Variants in RBM5 observed in about 807,000 individuals in gnomAD.
RBM5 encodes RNA-binding protein 5.
RBM5 carries 15 observed loss-of-function variants against 124.6 expected under a neutral mutation model. The ratio of observed to expected loss-of-function variants is 0.12; its 90% confidence interval spans 0.08 to 0.19. The LOEUF (loss-of-function observed/expected upper bound fraction) is 0.19. Ranked by LOEUF, RBM5 falls within the 10% of genes least tolerant of loss-of-function variation. RBM5 has a pLI of 1.00. For synonymous variants in RBM5, 337 were observed against 361.2 expected (o/e 0.93, Z 0.76); for missense variants, 580 against 1,026.5 (o/e 0.57, Z 5.94).
At chr3:50,089,532 G>T (rs1472953586) in intron 1 of RBM5, among the ~76,000 whole-genome samples, 2 of 152,272 alleles carry the variant, frequency 1.3e-5, no homozygotes, top group Non-Finnish European at 2.9e-5. Flanking sequence ...TCTCGGCCGC[G>T]AGACCCCACG....
chr3:50,100,115 G>A lies in RBM5; in HGVS notation c.409+64G>A. Reference sequence around the variant, plus strand: ...CCCCATTCCCACCTCAGTCCCTAAAGAACATCCTGATTCCCCCAGTCTTCA... The same window carrying A: ...CCCCATTCCCACCTCAGTCCCTAAAAAACATCCTGATTCCCCCAGTCTTCA... On this transcript the variant is annotated intron_variant, in intron 5 of 24. Transcript: ENST00000347869. This position sits in a 1 kb window ranked among gnomAD's most constrained non-coding sequence, Gnocchi z 5.1. 7.0e-7 allele frequency: 1 copy of A among 1,420,034 alleles called. No individual in the cohort carries two copies. Among genetic ancestry groups the A allele is most frequent in the South Asian group, 1.2e-5 (1 of 82,144 alleles). The allele number at this position is 1,420,034 out of a possible 1,614,324, so 88.0% of individuals were successfully genotyped here. A position where few individuals can be genotyped will look rare whatever the true frequency, so the allele number is the denominator to read the frequency against.
At chr3:50,105,207 G>A in intron 9 of RBM5, 65 bp downstream of exon 9, 1 of 1,340,746 alleles carries the variant, frequency 7.5e-7, no homozygotes, top group Non-Finnish European at 1.1e-6. Flanking sequence ...AGGAGATGGA[G>A]ACCATCCTGG....
chr3:50,106,689 ACTT>A (rs1368826776), intron 10 of RBM5, 75 bp from the exon 11 acceptor site: 7 of 1,026,828 alleles, frequency 6.8e-6, no homozygotes, highest in East Asian at 4.8e-5. Flanking sequence ...ATAGAAAACT[ACTT>A]CTTTGAATGG....
chr3:50,117,353 T>C lies in RBM5; in HGVS notation c.2296T>C (p.Cys766Arg). 6.2e-7 allele frequency: 1 copy of C among 1,614,034 alleles called. No individual in the cohort carries two copies. The highest frequency in any genetic ancestry group is 8.5e-7 in the Non-Finnish European group (1 of 1,180,016). The stretch of plus-strand genomic sequence containing the variant: ...GGAAGGCTCTGGCTTGGGACGAAAG[T>C]GTCAAGGCATTACGGCTCCCATTGA... ...WREGSGLGRK[C>R]QGITAPIEAQ... The change falls in exon 24 of 25, where the codon TGT becomes CGT. Residue 766 changes from cysteine (C) to arginine (R), a missense_variant. Cys to Arg is a radical substitution (Grantham distance 180). Around this residue, in one of 6 missense-constraint regions of RBM5, gnomAD observed 234 missense variants for 435.1 expected, o/e 0.54. Coordinates refer to ENST00000347869, the MANE Select transcript of RBM5 (RefSeq NM_005778.4). This position sits in a 1 kb window ranked among gnomAD's most constrained non-coding sequence, Gnocchi z 4.2.
chr3:50,117,965 A>G lies in RBM5; in HGVS notation c.2323-366A>G, dbSNP rs1218279394. 8.0e-6 allele frequency: 2 copies of G among 249,976 alleles called. No individual in the cohort carries two copies. The highest frequency in any genetic ancestry group is 1.9e-4 in the East Asian group (2 of 10,562). The allele number at this position is 249,976 out of a possible 1,614,324, so 15.5% of individuals were successfully genotyped here. A position where few individuals can be genotyped will look rare whatever the true frequency, so the allele number is the denominator to read the frequency against. ...AGCTTAGGTCAGACTCTTGTAGACC[A>G]TGTTCATCCTGTTTATGTGAGTTCT... On this transcript the variant is annotated intron_variant, in intron 24 of 24. Transcript: ENST00000347869. The surrounding 1 kb of genome is among the most constrained non-coding windows in gnomAD (Gnocchi z 4.2).
At chr3:50,105,819 C>A in intron 10 of RBM5, 110 bp downstream of exon 10, 1 of 1,198,478 alleles carries the variant, frequency 8.3e-7, no homozygotes, top group Non-Finnish European at 1.2e-6. Context: ...AGATGCAAGG[C>A]TCCCTAATGA....
At chr3:50,093,974 T>A (rs954378226) in intron 4 of RBM5, 99 bp downstream of exon 4, 13 of 1,392,842 alleles carry the variant, frequency 9.3e-6, no homozygotes, top group Non-Finnish European at 1.3e-5. Flanking sequence ...CTTAAGCCAA[T>A]AGAGGTTGAG....
At chr3:50,105,166 G>A (rs772734317) in intron 9 of RBM5, 24 bp downstream of exon 9, 2 of 1,539,794 alleles carry the variant, frequency 1.3e-6, no homozygotes, top group African/African-American at 2.7e-5. Context: ...CGATCTTTTG[G>A]TCTTCATGTT....
intron 6 of RBM5, chr3:50,102,661 G>A (rs1296499341): frequency 5.7e-6 from 1 of 174,030 alleles, no homozygotes; most frequent in Non-Finnish European, 1.2e-5. Context: ...ATGGGGGACT[G>A]GGGAAAAAGG....
At chr3:50,108,570 G>C (rs1033871489) in intron 14 of RBM5, among the ~76,000 whole-genome samples, 1 of 152,174 alleles carries the variant, frequency 6.6e-6, no homozygotes, top group Non-Finnish European at 1.5e-5. Context: ...AGCCAGGTGC[G>C]GTGGCAGGCG....
chr3:50,096,570 C>A (rs1352390905), intron 4 of RBM5, among the ~76,000 whole-genome samples: 1 of 152,090 alleles, frequency 6.6e-6, no homozygotes, highest in East Asian at 1.9e-4. Context: ...GAAATTGTTA[C>A]TAGTGGAGGG....
chr3:50,097,766 T>C (rs945137278), intron 4 of RBM5, among the ~76,000 whole-genome samples: 5 of 152,168 alleles, frequency 3.3e-5, no homozygotes, highest in Admixed American at 6.5e-5. Context: ...TTTGAAAATT[T>C]TTACCAATAA....
In RBM5 at chr3:50,090,375, C is replaced by T. The variant is rs994832598; in HGVS notation, c.-53-7C>T. 4.4e-6 allele frequency: 7 copies of T among 1,594,180 alleles called. No individual in the cohort carries two copies. The highest frequency in any genetic ancestry group is 1.7e-5 in the Admixed American group (1 of 59,496). On this transcript the variant is annotated splice_polypyrimidine_tract_variant and splice_region_variant and intron_variant, in intron 1 of 24. Coordinates refer to ENST00000347869, the MANE Select transcript of RBM5 (RefSeq NM_005778.4). ...ATTTATAGCAATTAATCTCTCTTGT[C>T]TCCTAGAAAAAATAAAATTTGAACC...
intron 9 of RBM5, 22 bp downstream of exon 9, chr3:50,105,164 T>C (rs747812289): frequency 6.5e-7 from 1 of 1,542,194 alleles, no homozygotes; most frequent in African/African-American, 1.4e-5. Context: ...CACGATCTTT[T>C]GGTCTTCATG....
At position 50,100,400 on chromosome 3, in the gene RBM5, C is replaced by T. The variant is rs1249959148; in HGVS notation, c.410-132C>T. The T allele has an allele frequency of 1.3e-6, 1 of 745,260 alleles. No individual in the cohort carries two copies. Among genetic ancestry groups the T allele is most frequent in the Non-Finnish European group, 2.2e-6 (1 of 451,168 alleles). 46.2% of individuals were successfully genotyped at this position (745,260 alleles called of 1,614,324 possible). On this transcript the variant is annotated intron_variant, in intron 5 of 24. Coordinates refer to ENST00000347869, the MANE Select transcript of RBM5 (RefSeq NM_005778.4). This position sits in a 1 kb window ranked among gnomAD's most constrained non-coding sequence, Gnocchi z 5.1. ...CAAAGTATCAAGAAGATCCCCAAGT[C>T]AAGTCACATTTGTAAAGCTGCTTCC...
At position 50,100,442 on chromosome 3, in the gene RBM5, G is replaced by T. The variant is rs1347447740; in HGVS notation, c.410-90G>T. ...GCTGCTTCCCAATTGGCTTTGTCAC[G>T]CAGTGTTGAAGCAGTGGGAGAGAGA... is the stretch of plus-strand genomic sequence containing the variant. On this transcript the variant is annotated intron_variant, in intron 5 of 24. Coordinates refer to ENST00000347869, the MANE Select transcript of RBM5 (RefSeq NM_005778.4). The surrounding 1 kb of genome is among the most constrained non-coding windows in gnomAD (Gnocchi z 5.1). The T allele has an allele frequency of 4.6e-6, 5 of 1,093,148 alleles. No individual in the cohort carries two copies. In the African/African-American group the frequency reaches 6.2e-5, roughly 14 times the overall value. The allele number at this position is 1,093,148 out of a possible 1,614,324, so 67.7% of individuals were successfully genotyped here. A position where few individuals can be genotyped will look rare whatever the true frequency, so the allele number is the denominator to read the frequency against.
Position 50,114,190 on chromosome 3 carries a change from C to T in RBM5, c.1778C>T (p.Ala593Val), listed in dbSNP as rs150564071. ...FALFEKKGAL[A>V]ERQQLIPELV... ...TCCTCTGTTTCCCAGGGAGCCTTAG[C>T]TGAAAGGCAGCAGCTCATCCCAGAA... The change falls in exon 20 of 25, where the codon GCT (alanine) becomes GTT (valine). Residue 593 changes from alanine to valine, a missense_variant. By Grantham distance (64) the Ala-to-Val change is moderately conservative (BLOSUM62 0). Transcript: ENST00000347869. 657 of 1,613,552 alleles carry T rather than the reference C, an allele frequency of 4.1e-4. No homozygotes were observed. The highest frequency in any genetic ancestry group is 6.6e-4 in the Middle Eastern group (4 of 6,082).
In RBM5 at chr3:50,105,156, C is replaced by T. The variant is rs768472032; in HGVS notation, c.694+14C>T. On this transcript the variant is annotated intron_variant, in intron 9 of 24. Coordinates refer to ENST00000347869, the MANE Select transcript of RBM5 (RefSeq NM_005778.4). ...ACTACTGTGATAGTAAGTTCATACA[C>T]GATCTTTTGGTCTTCATGTTAAAAA... The T allele has an allele frequency of 9.3e-5, 145 of 1,563,926 alleles. No individual in the cohort carries two copies. The highest frequency in any genetic ancestry group is 1.7e-4 in the Middle Eastern group (1 of 5,988).
intron 11 of RBM5, 41 bp from the exon 12 acceptor site, chr3:50,107,441 T>C (rs201389664): frequency 1.4e-5 from 20 of 1,477,540 alleles, no homozygotes; most frequent in Non-Finnish European, 9.5e-6. Flanking sequence ...ATTGTGGGAA[T>C]ACTGTGATAG....
Sources: allele counts gnomAD v4.1 joint callset (sites outside exome capture counted in the v4.1 genomes callset), GRCh38; gene constraint gnomAD v4.1.1; regional missense constraint gnomAD v4.1.1; non-coding constraint Gnocchi (gnomAD v3.1); transcripts MANE v1.5; gene names NCBI Gene and HGNC (gene_info 2026-07-23, HGNC 2026-07-21).